Variants in CDC14A observed in about 807,000 individuals in gnomAD.
CDC14A encodes the protein cell division cycle 14A.
A neutral mutation model predicts 74.4 loss-of-function variants in CDC14A; 53 were observed. The ratio of observed to expected loss-of-function variants is 0.71; its 90% confidence interval spans 0.57 to 0.89. CDC14A has a LOEUF of 0.89. CDC14A is among the 40% of genes least tolerant of loss of function. CDC14A has a pLI of 0.00. For missense variants in CDC14A, 646 were observed against 713.7 expected (o/e 0.91, Z 1.08); for synonymous variants, 247 against 258.4 (o/e 0.96, Z 0.43).
rs149672640 is a variant in CDC14A at position 100,496,223 on chromosome 1, ATTT to A, written c.1298+187_1298+189del. ...ATTTTTAATGCTCACCATGAAAAGG[ATTT>A]TTTTTTTTTTTTGCTGGCATGCCCA... On this transcript the variant is annotated intron_variant, in intron 13 of 15. Coordinates refer to ENST00000336454, the MANE Select transcript of CDC14A (RefSeq NM_003672.4). 2.9e-3 allele frequency among the ~76,000 whole-genome samples: 424 copies of A among 144,120 alleles called. No individual in the cohort carries two copies. Among genetic ancestry groups the A allele is most frequent in the Middle Eastern group, 3.5e-3 (1 of 284 alleles). 94.5% of individuals were successfully genotyped at this position (144,120 alleles called of 152,430 possible).
At chr1:100,394,668 C>T (rs543940222) in intron 4 of CDC14A, among the ~76,000 whole-genome samples, 2 of 152,292 alleles carry the variant, frequency 1.3e-5, no homozygotes, top group South Asian at 4.1e-4. Flanking sequence ...ACACTAGTTA[C>T]AGTCTTGAGA....
At chr1:100,418,458 T>C (rs1423797580) in intron 4 of CDC14A, among the ~76,000 whole-genome samples, 3 of 152,074 alleles carry the variant, frequency 2.0e-5, no homozygotes, top group Non-Finnish European at 2.9e-5. Flanking sequence ...GGCTAGCGGG[T>C]AGGGTTCATT....
chr1:100,479,716 A>G (rs184179049), intron 10 of CDC14A, among the ~76,000 whole-genome samples: 83 of 152,344 alleles, frequency 5.4e-4, no homozygotes, highest in Middle Eastern at 6.8e-3. Flanking sequence ...TATTTACTGA[A>G]AATGACATTT....
At chr1:100,394,268 A>G (rs950666575) in intron 4 of CDC14A, among the ~76,000 whole-genome samples, 1 of 152,040 alleles carries the variant, frequency 6.6e-6, no homozygotes, top group Non-Finnish European at 1.5e-5. Flanking sequence ...GGTGTGTGCC[A>G]CCACAGCCAG....
intron 8 of CDC14A, among the ~76,000 whole-genome samples, chr1:100,459,086 A>ACACACACACACACACAC (rs1667021049): frequency 7.7e-6 from 1 of 129,234 alleles, no homozygotes; most frequent in Non-Finnish European, 1.6e-5. Flanking sequence ...CTTCTATTTA[A>ACACACACACACACACAC]ACACACACAC....
chr1:100,352,044 T>C (rs1310077296), upstream of CDC14A, among the ~76,000 whole-genome samples: 1 of 137,954 alleles, frequency 7.2e-6, no homozygotes, highest in African/African-American at 2.5e-5. Flanking sequence ...AGAGCATGGG[T>C]GAGTGGGCGA....
intron 8 of CDC14A, among the ~76,000 whole-genome samples, chr1:100,457,496 T>C (rs745649500): frequency 6.6e-5 from 10 of 152,198 alleles, no homozygotes; most frequent in Non-Finnish European, 1.3e-4. Context: ...TCTTGCTTTG[T>C]TGCCCAAGCT....
chr1:100,371,836 A>T (rs778257877), intron 2 of CDC14A, among the ~76,000 whole-genome samples: 3 of 152,258 alleles, frequency 2.0e-5, no homozygotes, highest in Admixed American at 1.3e-4. Context: ...TAGAAAAAAA[A>T]CAAGTTATAT....
At chr1:100,504,521 C>T (rs372928807) in intron 15 of CDC14A, among the ~76,000 whole-genome samples, 17 of 152,200 alleles carry the variant, frequency 1.1e-4, no homozygotes, top group South Asian at 2.1e-4. Context: ...AATACATAAA[C>T]GAAAAGTGTG....
intron 10 of CDC14A, among the ~76,000 whole-genome samples, chr1:100,472,814 G>A (rs1028195251): frequency 2.6e-5 from 4 of 151,610 alleles, no homozygotes; most frequent in African/African-American, 9.7e-5. Flanking sequence ...TACCATTTTC[G>A]TTGAAAATTC....
intron 2 of CDC14A, chr1:100,363,049 T>G (rs1201327879): frequency 6.6e-6 from 1 of 152,226 alleles, no homozygotes; most frequent in Non-Finnish European, 1.5e-5. Context: ...GCCCGCAGAT[T>G]GGTTCAACCA....
intron 5 of CDC14A, among the ~76,000 whole-genome samples, chr1:100,439,158 G>A (rs895865983): frequency 3.3e-5 from 5 of 152,168 alleles, no homozygotes; most frequent in Admixed American, 2.0e-4. Context: ...TTTTCACCAC[G>A]GTAGGTTCCC....
intron 5 of CDC14A, among the ~76,000 whole-genome samples, chr1:100,424,587 A>G (rs973544873): frequency 1.3e-5 from 2 of 152,172 alleles, no homozygotes; most frequent in Admixed American, 6.5e-5. Context: ...GCTAATAATC[A>G]TGTCAAGATT....
At chr1:100,394,647 G>A (rs1256501684) in intron 4 of CDC14A, among the ~76,000 whole-genome samples, 2 of 152,208 alleles carry the variant, frequency 1.3e-5, no homozygotes, top group African/African-American at 2.4e-5. Context: ...TACAGCATGA[G>A]CTTGTCTTAC....
Position 100,388,733 on chromosome 1 carries a change from T to C in CDC14A, c.217-1999T>C, listed in dbSNP as rs562212631. On this transcript the variant is annotated intron_variant, in intron 3 of 15. Coordinates refer to ENST00000336454, the MANE Select transcript of CDC14A (RefSeq NM_003672.4). Reference sequence around the variant, plus strand: ...GTGATACTCCTATCCAGTCTTTTTGTAGAGATGAGGTCTTACTATGTTGCC... The same window carrying C: ...GTGATACTCCTATCCAGTCTTTTTGCAGAGATGAGGTCTTACTATGTTGCC... Among the ~76,000 whole-genome samples the C allele has an allele frequency of 3.3e-5, 5 of 152,276 alleles. No homozygotes were observed. In the South Asian group the frequency reaches 1.0e-3, roughly 32 times the overall value.
At chr1:100,501,560 G>A (rs888562206) in intron 15 of CDC14A, among the ~76,000 whole-genome samples, 11 of 152,136 alleles carry the variant, frequency 7.2e-5, no homozygotes, top group Admixed American at 3.9e-4. Context: ...ATACAATTAT[G>A]TACAGTGCAT....
chr1:100,471,897 A>T (rs935952586), intron 10 of CDC14A, among the ~76,000 whole-genome samples: 1 of 152,182 alleles, frequency 6.6e-6, no homozygotes, highest in Non-Finnish European at 1.5e-5. Flanking sequence ...CTTCTGGAAG[A>T]TAACATAAAA....
intron 2 of CDC14A, among the ~76,000 whole-genome samples, chr1:100,372,329 C>T (rs1438779688): frequency 6.6e-6 from 1 of 152,142 alleles, no homozygotes; most frequent in Non-Finnish European, 1.5e-5. Context: ...TTCACTCTTC[C>T]TTTCATGAAA....
intron 4 of CDC14A, among the ~76,000 whole-genome samples, chr1:100,411,824 C>T (rs1660751152): frequency 6.6e-6 from 1 of 152,098 alleles, no homozygotes; most frequent in African/African-American, 2.4e-5. Flanking sequence ...CTGGGAGAAA[C>T]AAACAAATAA....
Sources: gnomAD v4.1 joint callset for allele counts (sites outside exome capture counted in the v4.1 genomes callset) on GRCh38, gnomAD v4.1.1 for gene constraint, MANE v1.5 for transcripts, NCBI Gene and HGNC (gene_info 2026-07-23, HGNC 2026-07-21) for gene names.